Variants in BCAS1 observed in about 807,000 individuals in gnomAD.
BCAS1 encodes brain enriched myelin associated protein 1.
Under a neutral mutation model 65.4 loss-of-function variants are expected in BCAS1, and 46 were observed. That is an observed-to-expected ratio of 0.70 (90% CI 0.55 to 0.90). The LOEUF is 0.90. Among genes scored for constraint, BCAS1 ranks in the 40% least tolerant of loss-of-function variants. The pLI is 0.00. For synonymous variants in BCAS1, 298 were observed against 293.5 expected, an observed-to-expected ratio of 1.02 and a Z score of -0.16; for missense variants, 793 against 771.2, an observed-to-expected ratio of 1.03 and a Z score of -0.33.
chr20:53,986,889 CA>C (rs369896707), intron 7 of BCAS1, among the ~76,000 whole-genome samples: 1 of 151,652 alleles, frequency 6.6e-6, no homozygotes, highest in African/African-American at 2.4e-5. Flanking sequence ...GACACCATCT[CA>C]AAAAAAATAT....
At chr20:53,976,448 CA>C (rs1424818183) in intron 8 of BCAS1, among the ~76,000 whole-genome samples, 1 of 151,800 alleles carries the variant, frequency 6.6e-6, no homozygotes, top group Admixed American at 6.6e-5. Context: ...TTAAGGCATC[CA>C]GGGGAGGGGA....
chr20:53,995,962 G>GCA lies in BCAS1; in HGVS notation c.810_811dup (p.Ala271ValfsTer11). ...AGCTGCTGCCTGGGAATCGTCCTTT[G>GCA]CAGTCTCCAGTCCTTCTGGGTCCCC... is the stretch of plus-strand genomic sequence containing the variant. On this transcript the variant is annotated frameshift_variant, in exon 5 of 13. Transcript: ENST00000688948. LOFTEE classifies it high-confidence loss of function. 2 of 1,613,636 alleles carry GCA rather than the reference G, an allele frequency of 1.2e-6. No individual in the cohort carries two copies. Among genetic ancestry groups the GCA allele is most frequent in the Non-Finnish European group, 1.7e-6 (2 of 1,179,702 alleles).
chr20:53,960,115 C>A (rs117605354), intron 10 of BCAS1, among the ~76,000 whole-genome samples: 15 of 152,154 alleles, frequency 9.9e-5, no homozygotes, highest in Admixed American at 9.2e-4. Context: ...TGTTGAGCAG[C>A]AAAAAACAAA....
intron 3 of BCAS1, among the ~76,000 whole-genome samples, chr20:54,051,410 T>A (rs1301559255): frequency 6.6e-6 from 1 of 152,216 alleles, no homozygotes; most frequent in East Asian, 1.9e-4. Context: ...ACATACCACA[T>A]GTATTGGGGG....
chr20:53,983,821 C>T (rs910413071), intron 8 of BCAS1, among the ~76,000 whole-genome samples: 3 of 152,158 alleles, frequency 2.0e-5, no homozygotes, highest in African/African-American at 7.2e-5. Context: ...CCTTCCTTCT[C>T]TCTCTTTCTT....
chr20:54,044,935 G>A (rs769384668), intron 3 of BCAS1, among the ~76,000 whole-genome samples: 2 of 151,970 alleles, frequency 1.3e-5, no homozygotes, highest in Admixed American at 1.3e-4. Flanking sequence ...TGCCAGAGGA[G>A]TGCTGTGACT....
At position 53,944,588 on chromosome 20, in the gene BCAS1, C is replaced by T. The variant is rs1056578950; in HGVS notation, c.*334G>A. The stretch of plus-strand genomic sequence containing the variant: ...CCTCCCAAAGTGCTGAGATTACAGG[C>T]GAGAGCCACCACGCCCGGCCACCAC... On this transcript the variant is annotated 3_prime_UTR_variant, in exon 13 of 13. Transcript: ENST00000688948. 1 of 266,924 alleles carries T rather than the reference C, an allele frequency of 3.7e-6. No homozygotes were observed. The highest frequency in any genetic ancestry group is 4.5e-5 in the South Asian group (1 of 22,238). The allele number at this position is 266,924 out of a possible 1,614,324, so 16.5% of individuals were successfully genotyped here.
intron 3 of BCAS1, among the ~76,000 whole-genome samples, chr20:54,029,664 T>G (rs562595687): frequency 9.8e-5 from 15 of 152,368 alleles, no homozygotes; most frequent in Middle Eastern, 3.4e-3. Context: ...GAAGATTACA[T>G]GAGTTAATAG....
intron 12 of BCAS1, among the ~76,000 whole-genome samples, chr20:53,945,960 G>C (rs539916895): frequency 2.0e-5 from 3 of 152,086 alleles, no homozygotes; most frequent in Non-Finnish European, 2.9e-5. Flanking sequence ...TTTTTGTAGA[G>C]ACGGGGTCTC....
chr20:54,046,674 G>A (rs1361312086), intron 3 of BCAS1, among the ~76,000 whole-genome samples: 1 of 151,458 alleles, frequency 6.6e-6, no homozygotes, highest in Admixed American at 6.6e-5. Context: ...GTGAAAACCA[G>A]TCTGTACTAA....
chr20:53,979,393 T>C (rs1354270068), intron 8 of BCAS1, among the ~76,000 whole-genome samples: 2 of 152,156 alleles, frequency 1.3e-5, no homozygotes, highest in Non-Finnish European at 2.9e-5. Flanking sequence ...ACTGGCTGTC[T>C]ACTGGGGAGA....
intron 1 of BCAS1, among the ~76,000 whole-genome samples, chr20:54,059,848 A>G (rs548873409): frequency 2.0e-5 from 3 of 152,206 alleles, no homozygotes; most frequent in Non-Finnish European, 2.9e-5. Context: ...TGTGACCACT[A>G]AGTATATGTG....
At chr20:53,956,298 G>C (rs572130369) in intron 11 of BCAS1, among the ~76,000 whole-genome samples, 1 of 152,172 alleles carries the variant, frequency 6.6e-6, no homozygotes, top group African/African-American at 2.4e-5. Flanking sequence ...TCTCTCTGCC[G>C]TGTAAGGACA....
chr20:53,964,867 A>T (rs376105), intron 10 of BCAS1, among the ~76,000 whole-genome samples: 1 of 149,202 alleles, frequency 6.7e-6, no homozygotes. Context: ...AAGGAGCTTC[A>T]TGTTGGTTAT....
At chr20:54,006,047 T>C (rs898881099) in intron 4 of BCAS1, among the ~76,000 whole-genome samples, 3 of 152,158 alleles carry the variant, frequency 2.0e-5, no homozygotes, top group African/African-American at 7.2e-5. Flanking sequence ...GCAGCCTCAC[T>C]CTACCTTACC....
chr20:54,029,046 A>AT (rs2091744853), intron 3 of BCAS1, 74 bp from the exon 4 acceptor site: 1 of 1,500,052 alleles, frequency 6.7e-7, no homozygotes, highest in Non-Finnish European at 8.8e-7. Flanking sequence ...GACTCCAGAC[A>AT]TTTTTTATAC....
intron 1 of BCAS1, among the ~76,000 whole-genome samples, chr20:54,060,856 G>A (rs1477211770): frequency 6.6e-6 from 1 of 152,160 alleles, no homozygotes; most frequent in African/African-American, 2.4e-5. Flanking sequence ...TCTTAGCAGT[G>A]TGTTTGCATT....
intron 8 of BCAS1, among the ~76,000 whole-genome samples, chr20:53,979,741 T>C (rs2090430201): frequency 6.6e-6 from 1 of 152,236 alleles, no homozygotes; most frequent in Non-Finnish European, 1.5e-5. Flanking sequence ...GGGATTTGTG[T>C]GGGCATGGAT....
rs73622291 is a variant in BCAS1, at chr20:53,974,932, A to G, written c.1317+457T>C. ...GTCAGCGCTCTAACCTGAGACCGAC[A>G]TTCTCAGCGTCTGTTGCTGCAAGAT... On this transcript the variant is annotated intron_variant, in intron 9 of 12. Coordinates refer to ENST00000688948, the MANE Select transcript of BCAS1 (RefSeq NM_001366298.2). 0.031 allele frequency among the ~76,000 whole-genome samples: 4,782 copies of G among 152,318 alleles called. 366 individuals are homozygous for G. In the East Asian group the frequency reaches 0.32, roughly 10 times the overall value.
Sources: allele counts gnomAD v4.1 joint callset (sites outside exome capture counted in the v4.1 genomes callset), GRCh38; gene constraint gnomAD v4.1.1; transcripts MANE v1.5; gene names NCBI Gene and HGNC (gene_info 2026-07-23, HGNC 2026-07-21).